PITPNM2: variants seen among roughly 807,000 people sequenced by gnomAD.
PITPNM2 encodes phosphatidylinositol transfer protein membrane associated 2, also known as membrane-associated phosphatidylinositol transfer protein 2.
Under a neutral mutation model 132.2 loss-of-function variants are expected in PITPNM2, and 35 were observed. The ratio of observed to expected loss-of-function variants is 0.26; its 90% confidence interval spans 0.20 to 0.35. The LOEUF (loss-of-function observed/expected upper bound fraction) is 0.35. Among genes scored for constraint, PITPNM2 ranks in the 10% least tolerant of loss-of-function variants. PITPNM2 has a pLI of 1.00. For missense variants in PITPNM2, 1,332 were observed against 1,912.0 expected, an observed-to-expected ratio of 0.70 and a Z score of 5.66; for synonymous variants, 738 against 799.2, an observed-to-expected ratio of 0.92 and a Z score of 1.29.
At chr12:123,085,365 A>G (rs1288174894) in intron 2 of PITPNM2, among the ~76,000 whole-genome samples, 1 of 152,176 alleles carries the variant, frequency 6.6e-6, no homozygotes, top group Non-Finnish European at 1.5e-5. Flanking sequence ...CACCCCCTAC[A>G]ACACAGACAA....
At chr12:123,026,547 G>C (rs2039869548) in intron 3 of PITPNM2, among the ~76,000 whole-genome samples, 1 of 152,264 alleles carries the variant, frequency 6.6e-6, no homozygotes, top group African/African-American at 2.4e-5. Context: ...AGGTGTGTAA[G>C]ACAGGGGGTC....
chr12:123,063,931 T>G (rs537213982), intron 2 of PITPNM2, among the ~76,000 whole-genome samples: 1 of 152,218 alleles, frequency 6.6e-6, no homozygotes, highest in South Asian at 2.1e-4. Flanking sequence ...CATAGGGTAG[T>G]AAGGGGAATA....
chr12:123,117,091 G>A lies in PITPNM2; in HGVS notation c.-199-6603C>T, dbSNP rs1249682941. On this transcript the variant is annotated intron_variant, in intron 1 of 25. Transcript: ENST00000320201. This position sits in a 1 kb window ranked among gnomAD's most constrained non-coding sequence, Gnocchi z 4.7. ...GCCAAGCTCTCTAGCGGGTTTGCAG[G>A]AAGTTCTACTTCCATCATAAGACTC... Among the ~76,000 whole-genome samples the A allele has an allele frequency of 6.6e-6, 1 of 152,220 alleles. No homozygotes were observed. The highest frequency in any genetic ancestry group is 1.5e-5 in the Non-Finnish European group (1 of 68,042).
intron 1 of PITPNM2, among the ~76,000 whole-genome samples, chr12:123,149,275 C>T (rs73417317): frequency 0.037 from 5,687 of 152,302 alleles, 335 homozygotes; most frequent in African/African-American, 0.13. Context: ...ACACTCACTA[C>T]CCAGAGAATC....
rs1215058353 is a variant in PITPNM2 at position 123,151,014 on chromosome 12, G to A, written c.-461C>T. 1.4e-5 allele frequency among the ~76,000 whole-genome samples: 2 copies of A among 145,718 alleles called. No individual in the cohort carries two copies. Among genetic ancestry groups the A allele is most frequent in the Non-Finnish European group, 3.0e-5 (2 of 65,586 alleles). On this transcript the variant is annotated 5_prime_UTR_variant, in exon 1 of 26. Coordinates refer to ENST00000320201, the MANE Select transcript of PITPNM2 (RefSeq NM_020845.3). ...GGCCGCGAGCTGAGAAGGAAGCGCC[G>A]GGCGGGCGGCCGGGGCCGGCTGGAC...
intron 1 of PITPNM2, among the ~76,000 whole-genome samples, chr12:123,130,712 G>A (rs1469498026): frequency 2.0e-5 from 3 of 152,100 alleles, no homozygotes; most frequent in Non-Finnish European, 2.9e-5. Flanking sequence ...CCCAGGAGGC[G>A]GAGCTTGCAA....
chr12:123,118,823 AAAT>A (rs2042979677), intron 1 of PITPNM2, among the ~76,000 whole-genome samples: 1 of 152,330 alleles, frequency 6.6e-6, no homozygotes, highest in Admixed American at 6.5e-5. Flanking sequence ...TAATGATGGA[AAAT>A]ATTTACATAC....
chr12:123,088,501 G>T (rs966323644), intron 2 of PITPNM2: 2 of 152,404 alleles, frequency 1.3e-5, no homozygotes, highest in African/African-American at 4.8e-5. Flanking sequence ...AAGTGAGAAT[G>T]ATGGGTGGAA....
intron 2 of PITPNM2, chr12:123,081,880 C>A (rs1472324889): frequency 6.6e-6 from 1 of 152,262 alleles, no homozygotes; most frequent in Non-Finnish European, 1.5e-5. Context: ...CCACCTGAAC[C>A]CACCAAAGCT....
intron 3 of PITPNM2, among the ~76,000 whole-genome samples, chr12:123,026,334 C>G (rs2039861800): frequency 6.6e-6 from 1 of 152,188 alleles, no homozygotes; most frequent in African/African-American, 2.4e-5. Context: ...TTGGAGCCAC[C>G]AGAAGCTGGA....
intron 2 of PITPNM2, chr12:123,091,476 G>A (rs2042266799): frequency 1.3e-5 from 2 of 152,192 alleles, no homozygotes; most frequent in African/African-American, 4.8e-5. Flanking sequence ...TCCACCTAGG[G>A]CTGGATGGTT....
chr12:123,081,593 C>G (rs1341334119), intron 2 of PITPNM2: 1 of 152,222 alleles, frequency 6.6e-6, no homozygotes, highest in Non-Finnish European at 1.5e-5. Context: ...CTGACTGCCA[C>G]CCAGCCCTCT....
intron 5 of PITPNM2, among the ~76,000 whole-genome samples, chr12:123,011,867 G>C (rs2039220698): frequency 6.6e-6 from 1 of 152,148 alleles, no homozygotes; most frequent in Admixed American, 6.5e-5. Context: ...ACTGTGTGTT[G>C]TGCAAGCCAC....
intron 3 of PITPNM2, among the ~76,000 whole-genome samples, chr12:123,032,825 G>A (rs1472907454): frequency 6.6e-6 from 1 of 152,214 alleles, no homozygotes; most frequent in Non-Finnish European, 1.5e-5. Context: ...TCGGGTAAGT[G>A]GTTCAAGAGG....
At position 122,997,536 on chromosome 12, in the gene PITPNM2, T is replaced by G. The variant is rs2038483257; in HGVS notation, c.1261A>C (p.Lys421Gln). Residue 421 changes from lysine to glutamine, a missense_variant, in exon 11 of 26, where the codon AAG becomes CAG. Transcript: ENST00000320201. ...VSQPLAAPPS[K>Q]IHVLLLVLHG... is the part of the protein sequence containing the mutation. ...AGCACCAGTAGCAGCACGTGGATCT[T>G]GGAGGGCGGTGCAGCCAGCGGCTGG... is the stretch of plus-strand genomic sequence containing the variant. 1 of 1,612,780 alleles carries G rather than the reference T, an allele frequency of 6.2e-7. No individual in the cohort carries two copies. Among genetic ancestry groups the G allele is most frequent in the Non-Finnish European group, 8.5e-7 (1 of 1,179,608 alleles).
At chr12:123,020,263 G>C (rs936426844) in intron 3 of PITPNM2, among the ~76,000 whole-genome samples, 15 of 151,966 alleles carry the variant, frequency 9.9e-5, no homozygotes, top group African/African-American at 3.4e-4. Context: ...TGGGATTATA[G>C]TCACGCGCCA....
Position 123,077,872 on chromosome 12 carries a change from C to T in PITPNM2, c.-96+32513G>A, listed in dbSNP as rs1220745343. Among the ~76,000 whole-genome samples, 3 of 152,186 alleles carry T rather than the reference C, an allele frequency of 2.0e-5. No homozygotes were observed. Among genetic ancestry groups the T allele is most frequent in the African/African-American group, 7.2e-5 (3 of 41,446 alleles). ...GGAGGTGTGCACCACAGGAGCCAGGCTGGGGTCGCGCAGCAGCCTCCCATC... is the reference window on the plus strand; with the variant it reads ...GGAGGTGTGCACCACAGGAGCCAGGTTGGGGTCGCGCAGCAGCCTCCCATC... On this transcript the variant is annotated intron_variant, in intron 2 of 25. Transcript: ENST00000320201. This position sits in a 1 kb window ranked among gnomAD's most constrained non-coding sequence, Gnocchi z 4.8.
intron 1 of PITPNM2, among the ~76,000 whole-genome samples, chr12:123,142,605 A>G (rs1426975535): frequency 6.6e-6 from 1 of 152,218 alleles, no homozygotes; most frequent in Non-Finnish European, 1.5e-5. Context: ...TTCAACCACA[A>G]TAAACGTTTG....
intron 1 of PITPNM2, among the ~76,000 whole-genome samples, chr12:123,122,336 C>T (rs1257732811): frequency 6.6e-6 from 1 of 152,100 alleles, no homozygotes; most frequent in Non-Finnish European, 1.5e-5. Context: ...GTGACACACG[C>T]CTGTAGTCCC....
Sources: allele counts gnomAD v4.1 joint callset (sites outside exome capture counted in the v4.1 genomes callset), GRCh38; gene constraint gnomAD v4.1.1; non-coding constraint Gnocchi (gnomAD v3.1); transcripts MANE v1.5; gene names NCBI Gene and HGNC (gene_info 2026-07-23, HGNC 2026-07-21).